Variants in FAT3 observed in about 807,000 individuals in gnomAD.
FAT3 encodes FAT atypical cadherin 3.
In FAT3, 95 loss-of-function variants were observed where a neutral mutation model predicts 310.2. The ratio of observed to expected loss-of-function variants is 0.31; its 90% confidence interval spans 0.26 to 0.36. FAT3 has a LOEUF of 0.36. Among genes scored for constraint, FAT3 ranks in the 10% least tolerant of loss-of-function variants. The pLI is 1.00. For synonymous variants in FAT3, 2,314 were observed against 2,192.9 expected (o/e 1.06, Z -1.54); for missense variants, 5,408 against 5,715.6 (o/e 0.95, Z 1.74).
intron 1 of FAT3, among the ~76,000 whole-genome samples, chr11:92,337,622 G>C (rs1160236668): frequency 6.6e-6 from 1 of 152,182 alleles, no homozygotes; most frequent in Non-Finnish European, 1.5e-5. Context: ...AGTAGAGACA[G>C]GGTTTCGCCA....
chr11:92,805,120 T>C (rs1280172905), intron 10 of FAT3, 33 bp from the exon 11 acceptor site: 1 of 1,594,836 alleles, frequency 6.3e-7, no homozygotes, highest in East Asian at 2.2e-5. Context: ...TCATTGCACA[T>C]CTTCAAAAGC....
intron 22 of FAT3, among the ~76,000 whole-genome samples, chr11:92,878,136 T>TG (rs1949575205): frequency 6.6e-6 from 1 of 152,152 alleles, no homozygotes; most frequent in Non-Finnish European, 1.5e-5. Context: ...TGAAAATTCA[T>TG]GTAAGAGTTG....
chr11:92,645,649 G>C (rs1483529762), intron 3 of FAT3, among the ~76,000 whole-genome samples: 1 of 152,024 alleles, frequency 6.6e-6, no homozygotes, highest in Non-Finnish European at 1.5e-5. Context: ...TTTTTTTTAG[G>C]TAAAGTTGGG....
chr11:92,270,944 T>C (rs1159023233), intron 1 of FAT3, among the ~76,000 whole-genome samples: 2 of 152,032 alleles, frequency 1.3e-5, no homozygotes, highest in Non-Finnish European at 2.9e-5. Flanking sequence ...ATTTTTTACA[T>C]CCAATCCATT....
chr11:92,382,100 A>G (rs563684015), intron 2 of FAT3, among the ~76,000 whole-genome samples: 1 of 152,328 alleles, frequency 6.6e-6, no homozygotes, highest in Admixed American at 6.5e-5. Flanking sequence ...AGACCTCATG[A>G]AAATGCTTCA....
intron 1 of FAT3, among the ~76,000 whole-genome samples, chr11:92,303,307 T>G (rs1397076318): frequency 6.6e-6 from 1 of 152,154 alleles, no homozygotes; most frequent in Non-Finnish European, 1.5e-5. Context: ...TTTGTTGCAT[T>G]GCTTCTCTTC....
In FAT3 at chr11:92,798,230, C is replaced by T. The variant is rs1307559979; in HGVS notation, c.5217C>T (p.Leu1739=). The T allele has an allele frequency of 6.2e-7, 1 of 1,613,824 alleles. No homozygotes were observed. The highest frequency in any genetic ancestry group is 8.5e-7 in the Non-Finnish European group (1 of 1,179,868). ...ATGAGCGCACATCCTCTTATCAACT[C>T]ATCATTCAGGCCACCAATATGGCAG... ...LDYERTSSYQ[L]IIQATNMAGM... The change falls in exon 10 of 28, where the codon CTC becomes CTT. Residue 1739 remains leucine (L), a synonymous_variant. Transcript: ENST00000525166.
chr11:92,782,145 C>CAATAAT (rs376897409), intron 7 of FAT3, among the ~76,000 whole-genome samples: 11 of 151,586 alleles, frequency 7.3e-5, no homozygotes, highest in South Asian at 2.1e-4. Context: ...CTTATTTCTG[C>CAATAAT]AATAATAATA....
chr11:92,297,052 T>A (rs1946867894), intron 1 of FAT3, among the ~76,000 whole-genome samples: 1 of 152,052 alleles, frequency 6.6e-6, no homozygotes, highest in Non-Finnish European at 1.5e-5. Flanking sequence ...TACACTCTAG[T>A]AACAAGCAAA....
Position 92,833,664 on chromosome 11 carries a change from T to G in FAT3, c.9872-1206T>G, listed in dbSNP as rs1356405492. ...GGTAAGTATTGGAAGGTGAAAATAT[T>G]GATGGAGGAATTGCATCACAGTCTC... On this transcript the variant is annotated intron_variant, in intron 14 of 27. Coordinates refer to ENST00000525166, the MANE Select transcript of FAT3 (RefSeq NM_001367949.2). Among the ~76,000 whole-genome samples the G allele has an allele frequency of 2.6e-5, 4 of 152,248 alleles. No individual in the cohort carries two copies. In the East Asian group the frequency reaches 7.7e-4, roughly 29 times the overall value.
At chr11:92,546,892 G>A (rs1331707962) in intron 3 of FAT3, among the ~76,000 whole-genome samples, 2 of 152,088 alleles carry the variant, frequency 1.3e-5, no homozygotes, top group Non-Finnish European at 1.5e-5. Context: ...GAGTTGTGAG[G>A]CTAGGGGTTA....
At chr11:92,749,618 A>G (rs920406806) in intron 4 of FAT3, among the ~76,000 whole-genome samples, 1 of 152,182 alleles carries the variant, frequency 6.6e-6, no homozygotes, top group African/African-American at 2.4e-5. Flanking sequence ...GTTCTTTGGG[A>G]CATATGAGAC....
intron 1 of FAT3, among the ~76,000 whole-genome samples, chr11:92,248,279 C>G (rs1865005767): frequency 6.6e-6 from 1 of 152,016 alleles, no homozygotes; most frequent in South Asian, 2.1e-4. Flanking sequence ...TTGCAAAAAT[C>G]AGATAAAATG....
chr11:92,335,750 CTG>C (rs1471479955), intron 1 of FAT3, among the ~76,000 whole-genome samples: 2 of 152,000 alleles, frequency 1.3e-5, no homozygotes, highest in Admixed American at 6.6e-5. Context: ...CAAGGGGACA[CTG>C]TGTGTCACAT....
chr11:92,676,845 C>CTCTCTCATTTATATCCAT (rs1310433799), intron 3 of FAT3, among the ~76,000 whole-genome samples: 1 of 152,208 alleles, frequency 6.6e-6, no homozygotes, highest in African/African-American at 2.4e-5. Flanking sequence ...CTTATTTGGA[C>CTCTCTCATTTATATCCAT]TCTCTCATTT....
intron 1 of FAT3, among the ~76,000 whole-genome samples, chr11:92,229,080 G>A (rs1864038669): frequency 6.6e-6 from 1 of 152,172 alleles, no homozygotes; most frequent in African/African-American, 2.4e-5. Flanking sequence ...TGAAGGATTT[G>A]TGTTCTGCCC....
At chr11:92,620,395 C>G (rs1941030322) in intron 3 of FAT3, among the ~76,000 whole-genome samples, 1 of 152,120 alleles carries the variant, frequency 6.6e-6, no homozygotes, top group African/African-American at 2.4e-5. Context: ...TTCAAGTCTT[C>G]TATTTTATGG....
chr11:92,740,978 G>T (rs187626761), intron 4 of FAT3, among the ~76,000 whole-genome samples: 1 of 151,854 alleles, frequency 6.6e-6, no homozygotes, highest in East Asian at 1.9e-4. Flanking sequence ...TACTTATCCT[G>T]CCCTAGGCAC....
chr11:92,345,229 C>G (rs1938035537), intron 1 of FAT3, among the ~76,000 whole-genome samples: 1 of 152,024 alleles, frequency 6.6e-6, no homozygotes, highest in South Asian at 2.1e-4. Flanking sequence ...AGCCCAGTCT[C>G]CCTCACCAAA....
Sources: gnomAD v4.1 joint callset for allele counts (sites outside exome capture counted in the v4.1 genomes callset) on GRCh38, gnomAD v4.1.1 for gene constraint, MANE v1.5 for transcripts, NCBI Gene and HGNC (gene_info 2026-07-23, HGNC 2026-07-21) for gene names.